Variants in LRRIQ1 observed in about 807,000 individuals in gnomAD.
LRRIQ1 encodes the protein leucine-rich repeat- and IQ domain-containing protein 1.
A neutral mutation model predicts 211.9 loss-of-function variants in LRRIQ1; 210 were observed. The ratio of observed to expected loss-of-function variants is 0.99; its 90% CI spans 0.89 to 1.11. The LOEUF (loss-of-function observed/expected upper bound fraction) is 1.11. Among genes scored for constraint, LRRIQ1 ranks in the 50% most tolerant of loss-of-function variants. The pLI is 0.00. For missense variants in LRRIQ1, 2,136 were observed against 1,939.5 expected, an observed-to-expected ratio of 1.10 and a Z score of -1.90; for synonymous variants, 699 against 650.1, an observed-to-expected ratio of 1.08 and a Z score of -1.14.
chr12:85,143,878 G>A (rs1414019394), intron 19 of LRRIQ1, among the ~76,000 whole-genome samples: 4 of 151,500 alleles, frequency 2.6e-5, no homozygotes, highest in African/African-American at 9.7e-5. Context: ...AGAAGCAAGA[G>A]GTGTGTCCCT....
At chr12:85,265,635 G>C (rs910705558), downstream of LRRIQ1, among the ~76,000 whole-genome samples, 9 of 151,664 alleles carry the variant, frequency 5.9e-5, no homozygotes, top group African/African-American at 2.2e-4. Flanking sequence ...TTGTGATTAG[G>C]GTGTACTTAA....
At position 85,124,466 on chromosome 12, in the gene LRRIQ1, A is replaced by C. The variant is rs1001983183; in HGVS notation, c.3954A>C (p.Val1318=). ...PTIRIPFKEV[V]MTNSLLRNHQ... is the part of the protein sequence containing the mutation. ...TAAGAATCCCATTTAAGGAAGTAGT[A>C]ATGACAAATTCTTTGCTGAGGAATC... The change falls in exon 17 of 27, where the codon GTA becomes GTC. Residue 1318 remains valine (V), a synonymous_variant. Coordinates refer to ENST00000393217, the MANE Select transcript of LRRIQ1 (RefSeq NM_001079910.2). The C allele has an allele frequency of 1.2e-6, 2 of 1,613,632 alleles. No homozygotes were observed. Among genetic ancestry groups the C allele is most frequent in the African/African-American group, 2.7e-5 (2 of 74,938 alleles).
intron 11 of LRRIQ1, among the ~76,000 whole-genome samples, chr12:85,086,935 C>CATTATTATTATT (rs202087547): frequency 0.17 from 25,028 of 149,014 alleles, 2,354 homozygotes; most frequent in Middle Eastern, 0.23. Flanking sequence ...GATTGTTCTT[C>CATTATTATTATT]ATTATTATTA....
chr12:85,125,714 T>C (rs375859453), intron 17 of LRRIQ1, among the ~76,000 whole-genome samples: 1 of 152,198 alleles, frequency 6.6e-6, no homozygotes, highest in African/African-American at 2.4e-5. Context: ...TTATCAAAAG[T>C]GGCTTTAATA....
chr12:85,205,139 C>T (rs1047777271), intron 24 of LRRIQ1, among the ~76,000 whole-genome samples: 10 of 152,088 alleles, frequency 6.6e-5, no homozygotes, highest in African/African-American at 1.9e-4. Flanking sequence ...TCTCTTTGCC[C>T]GCTGCCATCC....
intron 24 of LRRIQ1, among the ~76,000 whole-genome samples, chr12:85,204,583 A>G (rs1017139182): frequency 2.0e-5 from 3 of 152,212 alleles, no homozygotes; most frequent in African/African-American, 7.2e-5. Flanking sequence ...AGTGTGACCT[A>G]GATGTGAGAA....
intron 24 of LRRIQ1, among the ~76,000 whole-genome samples, chr12:85,217,634 A>ATG (rs1401789532): frequency 1.6e-4 from 22 of 138,446 alleles, no homozygotes; most frequent in African/African-American, 5.6e-4. Context: ...ATATGTATAT[A>ATG]TGTATATATA....
chr12:85,252,885 TG>T (rs1895989046), intron 1 of LRRIQ1, among the ~76,000 whole-genome samples: 1 of 151,978 alleles, frequency 6.6e-6, no homozygotes, highest in Non-Finnish European at 1.5e-5. Flanking sequence ...TATATATTGT[TG>T]ATATAATTTC....
chr12:85,269,653 A>T, the LRRIQ1 span, among the ~76,000 whole-genome samples: 1 of 152,002 alleles, frequency 6.6e-6, no homozygotes, highest in Non-Finnish European at 1.5e-5. Context: ...TGAACAAGCT[A>T]ATCTACTCAA....
intron 24 of LRRIQ1, among the ~76,000 whole-genome samples, chr12:85,194,550 G>A (rs1892785243): frequency 6.6e-6 from 1 of 150,424 alleles, no homozygotes; most frequent in Admixed American, 6.6e-5. Flanking sequence ...CATGGAAACT[G>A]AACAACCTGC....
chr12:85,128,377 A>C (rs576778325), intron 18 of LRRIQ1, among the ~76,000 whole-genome samples: 2 of 152,192 alleles, frequency 1.3e-5, no homozygotes, highest in Non-Finnish European at 2.9e-5. Context: ...AGGCAGGAGG[A>C]TTGCTTGAAG....
At position 85,055,869 on chromosome 12, in the gene LRRIQ1, G is replaced by A. The variant is rs1880969272; in HGVS notation, c.1076G>A (p.Arg359Lys). 9 of 1,584,856 alleles carry A rather than the reference G, an allele frequency of 5.7e-6. No individual in the cohort carries two copies. Among genetic ancestry groups the A allele is most frequent in the Non-Finnish European group, 7.7e-6 (9 of 1,168,692 alleles). ...AAGCAAAAGGAAGAGGAAAGGAAAAGGAGAGAAAAAGAATATGAAGAAAAA... is the reference window on the plus strand; with the variant it reads ...AAGCAAAAGGAAGAGGAAAGGAAAAAGAGAGAAAAAGAATATGAAGAAAAA... Reference protein sequence around the residue: ...RKKQKEEERKRREKEYEEKKN... With the variant: ...RKKQKEEERKKREKEYEEKKN... The change falls in exon 8 of 27, where the codon AGG becomes AAG. Residue 359 changes from arginine (R) to lysine (K), a missense_variant. Transcript: ENST00000393217.
At chr12:85,089,164 T>A (rs964238507) in intron 11 of LRRIQ1, among the ~76,000 whole-genome samples, 1 of 152,232 alleles carries the variant, frequency 6.6e-6, no homozygotes, top group Non-Finnish European at 1.5e-5. Context: ...CTGTTGAATT[T>A]TGTCAAAGGC....
intron 24 of LRRIQ1, among the ~76,000 whole-genome samples, chr12:85,213,193 G>T (rs1244727631): frequency 6.6e-6 from 1 of 151,638 alleles, no homozygotes; most frequent in South Asian, 2.1e-4. Flanking sequence ...AAAAAAGCTG[G>T]TGTTCTTATA....
intron 16 of LRRIQ1, among the ~76,000 whole-genome samples, chr12:85,123,662 C>A (rs539440484): frequency 6.6e-6 from 1 of 152,020 alleles, no homozygotes; most frequent in Non-Finnish European, 1.5e-5. Flanking sequence ...TTTAAAAGTC[C>A]AATACAAATA....
At chr12:85,270,727 T>C in the LRRIQ1 span, among the ~76,000 whole-genome samples, 1 of 152,166 alleles carries the variant, frequency 6.6e-6, no homozygotes, top group Non-Finnish European at 1.5e-5. Context: ...GGCACTGTTC[T>C]AAATGCTTTA....
rs776904678 is a variant in LRRIQ1, at chr12:85,057,122, A to G, written c.2329A>G (p.Met777Val). Residue 777 changes from methionine to valine, a missense_variant, in exon 8 of 27, where the codon ATG (methionine) becomes GTG (valine). Met to Val is a conservative substitution (Grantham distance 21, BLOSUM62 1). Coordinates refer to ENST00000393217, the MANE Select transcript of LRRIQ1 (RefSeq NM_001079910.2). ...GAGACCTGTGAAATGCCCAGCCAACATGACACCCGCTTTGGATAAACTGGA... is the reference window on the plus strand; with the variant it reads ...GAGACCTGTGAAATGCCCAGCCAACGTGACACCCGCTTTGGATAAACTGGA... ...RKRPVKCPAN[M>V]TPALDKLEIL... 1.9e-6 allele frequency: 3 copies of G among 1,597,296 alleles called. No individual in the cohort carries two copies. The highest frequency in any genetic ancestry group is 2.3e-5 in the South Asian group (2 of 87,446).
chr12:85,080,391 T>C (rs1884154110), intron 11 of LRRIQ1, among the ~76,000 whole-genome samples: 1 of 151,648 alleles, frequency 6.6e-6, no homozygotes, highest in Non-Finnish European at 1.5e-5. Flanking sequence ...ATAATTATTA[T>C]ATGTAACAAT....
chr12:85,204,035 G>C (rs937061444), intron 24 of LRRIQ1, among the ~76,000 whole-genome samples: 1 of 152,122 alleles, frequency 6.6e-6, no homozygotes, highest in Non-Finnish European at 1.5e-5. Context: ...TGTGGGCTGG[G>C]CCCAAGGTCC....
Sources: gnomAD v4.1 joint callset for allele counts (sites outside exome capture counted in the v4.1 genomes callset) on GRCh38, gnomAD v4.1.1 for gene constraint, MANE v1.5 for transcripts, NCBI Gene and HGNC (gene_info 2026-07-23, HGNC 2026-07-21) for gene names.